Variants in ACTR3C observed in about 807,000 individuals in gnomAD.
The protein encoded by ACTR3C is actin-related protein 3C.
A neutral mutation model predicts 26.3 loss-of-function variants in ACTR3C; 18 were observed. The observed-to-expected ratio is 0.68, with a 90% CI of 0.47 to 1.01. ACTR3C has a LOEUF of 1.01. Ranked by LOEUF, ACTR3C falls within the 50% of genes least tolerant of loss-of-function variation. ACTR3C has a pLI of 0.00. For synonymous variants in ACTR3C, 55 were observed against 94.5 expected (o/e 0.58, Z 2.42); for missense variants, 184 against 250.7 (o/e 0.73, Z 1.80).
the ACTR3C span, among the ~76,000 whole-genome samples, chr7:150,111,186 G>A: frequency 7.7e-6 from 1 of 130,550 alleles, no homozygotes; most frequent in African/African-American, 3.2e-5. Flanking sequence ...GGGCTCCAGG[G>A]ACTCGCTCCA....
At chr7:149,923,585 A>C in the ACTR3C span, among the ~76,000 whole-genome samples, 3 of 152,176 alleles carry the variant, frequency 2.0e-5, no homozygotes, top group Admixed American at 1.3e-4. Context: ...CCAATATGGC[A>C]GCAACAACTT....
At chr7:150,036,873 G>A in the ACTR3C span, among the ~76,000 whole-genome samples, 1 of 125,198 alleles carries the variant, frequency 8.0e-6, no homozygotes, top group Non-Finnish European at 1.8e-5. Context: ...AGGGGGGGAT[G>A]AGGGTCTGGC....
At chr7:150,163,958 C>T in the ACTR3C span, among the ~76,000 whole-genome samples, 1 of 152,222 alleles carries the variant, frequency 6.6e-6, no homozygotes, top group Non-Finnish European at 1.5e-5. Flanking sequence ...ATCTGGGCAT[C>T]CTGTATCCCA....
the ACTR3C span, among the ~76,000 whole-genome samples, chr7:149,908,225 T>C: frequency 1.3e-5 from 2 of 152,180 alleles, no homozygotes; most frequent in Non-Finnish European, 2.9e-5. Flanking sequence ...ACCTTGATCT[T>C]GGACTTCCAA....
the ACTR3C span, among the ~76,000 whole-genome samples, chr7:150,032,901 T>C: frequency 2.6e-5 from 4 of 152,098 alleles, no homozygotes; most frequent in Non-Finnish European, 5.9e-5. Flanking sequence ...TGAGCAAATG[T>C]CCAGAGGTGG....
At chr7:150,037,506 G>A in the ACTR3C span, among the ~76,000 whole-genome samples, 2 of 58,426 alleles carry the variant, frequency 3.4e-5, no homozygotes, top group African/African-American at 1.1e-4. Flanking sequence ...GGTGGAAGAG[G>A]GGATAGCTCT....
chr7:149,975,044 G>A, the ACTR3C span, among the ~76,000 whole-genome samples: 8 of 152,166 alleles, frequency 5.3e-5, no homozygotes, highest in Non-Finnish European at 7.3e-5. Context: ...CATTAGAAGC[G>A]AGGTATATTA....
chr7:150,236,660 G>A, the ACTR3C span, among the ~76,000 whole-genome samples: 1 of 151,980 alleles, frequency 6.6e-6, no homozygotes, highest in Non-Finnish European at 1.5e-5. Flanking sequence ...GTTCAAAATT[G>A]CCTTTGGCAA....
chr7:150,286,915 G>C (rs566264190), intron 4 of ACTR3C, among the ~76,000 whole-genome samples: 26 of 152,106 alleles, frequency 1.7e-4, no homozygotes, highest in African/African-American at 6.3e-4. Flanking sequence ...GTCCACACTG[G>C]ACCAGTGGAC....
At chr7:150,085,033 G>A in the ACTR3C span, among the ~76,000 whole-genome samples, 1 of 152,184 alleles carries the variant, frequency 6.6e-6, no homozygotes, top group Non-Finnish European at 1.5e-5. Context: ...GACAACCCCA[G>A]GGCTTGTGGC....
At chr7:150,135,699 T>C in the ACTR3C span, among the ~76,000 whole-genome samples, 2 of 151,582 alleles carry the variant, frequency 1.3e-5, no homozygotes, top group East Asian at 1.9e-4. Context: ...TACTGTATTG[T>C]ATGAGGAAAC....
intron 6 of ACTR3C, among the ~76,000 whole-genome samples, chr7:150,261,309 T>C (rs1280410201): frequency 6.6e-6 from 1 of 152,062 alleles, no homozygotes; most frequent in Non-Finnish European, 1.5e-5. Context: ...AGATGTAATT[T>C]TTCCCTTGTA....
chr7:150,066,509 T>A, the ACTR3C span, among the ~76,000 whole-genome samples: 680 of 152,334 alleles, frequency 4.5e-3, 5 homozygotes, highest in African/African-American at 0.016. Flanking sequence ...AGGTGAAAAA[T>A]TAGGTTGTAC....
At chr7:150,294,989 T>G (rs1365911574) in intron 2 of ACTR3C, among the ~76,000 whole-genome samples, 1 of 152,006 alleles carries the variant, frequency 6.6e-6, no homozygotes, top group African/African-American at 2.4e-5. Context: ...CACCTATATC[T>G]TGTCACCCAG....
chr7:150,111,620 A>C, the ACTR3C span, among the ~76,000 whole-genome samples: 3 of 98,090 alleles, frequency 3.1e-5, no homozygotes, highest in Admixed American at 1.2e-4. Context: ...CCACCCACCC[A>C]CTCACAGTCA....
chr7:149,888,046 C>T, the ACTR3C span, among the ~76,000 whole-genome samples: 2 of 152,060 alleles, frequency 1.3e-5, no homozygotes, highest in African/African-American at 2.4e-5. Context: ...AGTGTGAAAA[C>T]AGACTAATAC....
chr7:150,219,012 A>G, the ACTR3C span, among the ~76,000 whole-genome samples: 1 of 152,206 alleles, frequency 6.6e-6, no homozygotes, highest in South Asian at 2.1e-4. Flanking sequence ...CAAATATTTC[A>G]TCATGATCTG....
chr7:150,295,428 A>G, intron 1 of ACTR3C, 81 bp from the exon 2 acceptor site: 3 of 1,429,184 alleles, frequency 2.1e-6, no homozygotes, highest in Non-Finnish European at 2.0e-6. Flanking sequence ...GTTAACCTGA[A>G]AGTATGTTAG....
chr7:149,938,960 T>C, the ACTR3C span, among the ~76,000 whole-genome samples: 1 of 128,896 alleles, frequency 7.8e-6, no homozygotes, highest in Non-Finnish European at 1.7e-5. Context: ...TATATAAAAA[T>C]ATATTATATA....
Sources: gnomAD v4.1 joint callset for allele counts (sites outside exome capture counted in the v4.1 genomes callset) on GRCh38, gnomAD v4.1.1 for gene constraint, MANE v1.5 for transcripts, NCBI Gene and HGNC (gene_info 2026-07-23, HGNC 2026-07-21) for gene names.